MAPK8IP1: variants seen among roughly 807,000 people sequenced by gnomAD.
The protein encoded by MAPK8IP1 is mitogen-activated protein kinase 8 interacting protein 1.
Under a neutral mutation model 72.6 loss-of-function variants are expected in MAPK8IP1, and 17 were observed. The observed-to-expected ratio is 0.23, with a 90% CI of 0.16 to 0.35. The LOEUF is 0.35. Ranked by LOEUF, MAPK8IP1 falls within the 10% of genes least tolerant of loss-of-function variation. MAPK8IP1 has a pLI of 1.00. For missense variants in MAPK8IP1, 789 were observed against 1,009.7 expected, an observed-to-expected ratio of 0.78 and a Z score of 2.96; for synonymous variants, 401 against 443.4, an observed-to-expected ratio of 0.90 and a Z score of 1.20.
Position 45,889,607 on chromosome 11 carries a change from C to T in MAPK8IP1, c.101+3686C>T, listed in dbSNP as rs376603044. On this transcript the variant is annotated intron_variant, in intron 1 of 11. Transcript: ENST00000241014. ...GTTTCATGGACAAGAAGGGAGCGAG[C>T]GGCCTGTCTGGGGTGTGTAGAAGGG... is the stretch of plus-strand genomic sequence containing the variant. Among the ~76,000 whole-genome samples the T allele has an allele frequency of 7.2e-5, 11 of 152,150 alleles. No homozygotes were observed. In the East Asian group the frequency reaches 1.7e-3, roughly 24 times the overall value.
In MAPK8IP1 at chr11:45,906,395, T is replaced by A; in HGVS notation, c.*674T>A. The A allele has an allele frequency of 1.2e-6, 1 of 800,076 alleles. No homozygotes were observed. Among genetic ancestry groups the A allele is most frequent in the East Asian group, 2.9e-5 (1 of 34,104 alleles). 49.6% of individuals were successfully genotyped at this position (800,076 alleles called of 1,614,324 possible). On this transcript the variant is annotated 3_prime_UTR_variant, in exon 12 of 12. Coordinates refer to ENST00000241014, the MANE Select transcript of MAPK8IP1 (RefSeq NM_005456.4). Reference sequence around the variant, plus strand: ...CAGCAGAAGAGGGAGGCTTCCTGACTGACACAGGCCAGCCCCATCTTGGTC... The same window carrying A: ...CAGCAGAAGAGGGAGGCTTCCTGACAGACACAGGCCAGCCCCATCTTGGTC...
rs1250073342 is a variant in MAPK8IP1, at chr11:45,904,802, G to A, written c.1861G>A (p.Gly621Ser). Reference protein sequence around the residue: ...LEISVRGVKIGVKADDSQEAK... With the variant: ...LEISVRGVKISVKADDSQEAK... ...GATCAGCGTGCGGGGTGTGAAGATA[G>A]GCGTCAAGGCCGATGACTCCCAGGA... The change falls in exon 9 of 12, where the codon GGC becomes AGC. Residue 621 changes from glycine (G) to serine (S), a missense_variant. This residue lies in a region of MAPK8IP1 where 188 missense variants were observed against 293.3 expected (regional missense o/e 0.64). Transcript: ENST00000241014. This position sits in a 1 kb window ranked among gnomAD's most constrained non-coding sequence, Gnocchi z 6.4. 6 of 1,613,966 alleles carry A rather than the reference G, an allele frequency of 3.7e-6. No homozygotes were observed. The highest frequency in any genetic ancestry group is 5.1e-6 in the Non-Finnish European group (6 of 1,180,044).
chr11:45,903,558 A>G lies in MAPK8IP1; in HGVS notation c.1493+118A>G, dbSNP rs1345425725. The G allele has an allele frequency of 1.1e-6, 1 of 871,860 alleles. No homozygotes were observed. Among genetic ancestry groups the G allele is most frequent in the Non-Finnish European group, 1.8e-6 (1 of 541,686 alleles). 54.0% of individuals were successfully genotyped at this position (871,860 alleles called of 1,614,324 possible). A position where few individuals can be genotyped will look rare whatever the true frequency, so the allele number is the denominator to read the frequency against. Reference sequence around the variant, plus strand: ...CCCTGCCATCAGCCTTCATTTATCCACTCAGCCCTGGGAGGACAGTGTCCA... The same window carrying G: ...CCCTGCCATCAGCCTTCATTTATCCGCTCAGCCCTGGGAGGACAGTGTCCA... On this transcript the variant is annotated intron_variant, in intron 6 of 11. Coordinates refer to ENST00000241014, the MANE Select transcript of MAPK8IP1 (RefSeq NM_005456.4). The surrounding 1 kb of genome is among the most constrained non-coding windows in gnomAD (Gnocchi z 6.4).
At position 45,885,898 on chromosome 11, in the gene MAPK8IP1, C is replaced by G; in HGVS notation, c.78C>G (p.His26Gln). The G allele has an allele frequency of 6.8e-7, 1 of 1,477,510 alleles. No individual in the cohort carries two copies. The highest frequency in any genetic ancestry group is 3.0e-5 in the East Asian group (1 of 33,766). 91.5% of individuals were successfully genotyped at this position (1,477,510 alleles called of 1,614,324 possible). A position where few individuals can be genotyped will look rare whatever the true frequency, so the allele number is the denominator to read the frequency against. Residue 26 changes from histidine (H) to glutamine (Q), a missense_variant, in exon 1 of 12, where the codon CAC becomes CAG. His to Gln is a conservative substitution (Grantham distance 24). Transcript: ENST00000241014. ...CCGCCTCCCCGTTCCTGGGGCTGCA[C>G]ATCGCTTCGCCTCCCAATTTCAGGT... ...PPAASPFLGLHIASPPNFRLT... is the reference protein window; with the variant it reads ...PPAASPFLGLQIASPPNFRLT...
In MAPK8IP1 at chr11:45,903,291, G is replaced by T; in HGVS notation, c.1418-74G>T. 2 of 1,588,972 alleles carry T rather than the reference G, an allele frequency of 1.3e-6. No homozygotes were observed. On this transcript the variant is annotated intron_variant, in intron 5 of 11. Coordinates refer to ENST00000241014, the MANE Select transcript of MAPK8IP1 (RefSeq NM_005456.4). This position sits in a 1 kb window ranked among gnomAD's most constrained non-coding sequence, Gnocchi z 6.4. ...CCCCAGGCCCCATCTGGTTAGGACT[G>T]AGGCTTCTACCTGCCCCGCTAAACC...
intron 1 of MAPK8IP1, among the ~76,000 whole-genome samples, chr11:45,889,387 G>C (rs886809502): frequency 6.6e-6 from 1 of 152,140 alleles, no homozygotes; most frequent in Non-Finnish European, 1.5e-5. Context: ...TTTATAATGA[G>C]TATAGGTTAC....
In MAPK8IP1 at chr11:45,903,003, CT is replaced by C; in HGVS notation, c.1237del (p.Tyr413MetfsTer49). 6.2e-7 allele frequency: 1 copy of C among 1,611,886 alleles called. No homozygotes were observed. On this transcript the variant is annotated frameshift_variant, in exon 5 of 12. Transcript: ENST00000241014. LOFTEE classifies it high-confidence loss of function. The surrounding 1 kb of genome is among the most constrained non-coding windows in gnomAD (Gnocchi z 6.4). ...YSDESDSATV[Y>X]DNCASVSSPY... Reference sequence around the variant, plus strand: ...GTGACGAGAGTGACTCTGCCACCGTCTATGACAACTGTGCCTCCGTCTCCTC... The same window carrying C: ...GTGACGAGAGTGACTCTGCCACCGTCATGACAACTGTGCCTCCGTCTCCTC...
chr11:45,904,010 C>T lies in MAPK8IP1; in HGVS notation c.1515C>T (p.Asp505=), dbSNP rs144563506. The T allele has an allele frequency of 1.5e-4, 247 of 1,613,650 alleles. No homozygotes were observed. The African/African-American group carries it at 2.7e-3, about 18-fold the overall frequency. The change falls in exon 7 of 12, where the codon GAC becomes GAT. Residue 505 remains aspartate (D), a synonymous_variant. Coordinates refer to ENST00000241014, the MANE Select transcript of MAPK8IP1 (RefSeq NM_005456.4). The surrounding 1 kb of genome is among the most constrained non-coding windows in gnomAD (Gnocchi z 6.4). The part of the protein sequence containing the change: ...AIFRFVPRHE[D]ELELEVDDPL... ...ACAGGTTTGTGCCTCGACACGAAGA[C>T]GAACTTGAGCTGGAAGTGGATGACC...
rs1324055112 is a variant in MAPK8IP1, at chr11:45,900,416, C to G, written c.486C>G (p.Thr162=). 8 of 1,531,352 alleles carry G rather than the reference C, an allele frequency of 5.2e-6. No homozygotes were observed. The highest frequency in any genetic ancestry group is 7.0e-6 in the Non-Finnish European group (8 of 1,145,228). 94.9% of individuals were successfully genotyped at this position (1,531,352 alleles called of 1,614,324 possible). A position where few individuals can be genotyped will look rare whatever the true frequency, so the allele number is the denominator to read the frequency against. The change falls in exon 3 of 12, where the codon ACC becomes ACG. Residue 162 remains threonine (T), a synonymous_variant. Transcript: ENST00000241014. This position sits in a 1 kb window ranked among gnomAD's most constrained non-coding sequence, Gnocchi z 6.5. ...ACACGTACCGGCCCAAGCGGCCCAC[C>G]ACGCTCAACCTCTTTCCGCAGGTGC... ...SGDTYRPKRP[T]TLNLFPQVPR...
chr11:45,889,011 T>C (rs572575368), intron 1 of MAPK8IP1, among the ~76,000 whole-genome samples: 1 of 152,338 alleles, frequency 6.6e-6, no homozygotes, highest in African/African-American at 2.4e-5. Flanking sequence ...CATACTTTTA[T>C]ATTACAGGTT....
In MAPK8IP1 at chr11:45,900,132, G is replaced by C; in HGVS notation, c.208-6G>C. 2 of 1,270,528 alleles carry C rather than the reference G, an allele frequency of 1.6e-6. No individual in the cohort carries two copies. The highest frequency in any genetic ancestry group is 2.7e-5 in the South Asian group (1 of 37,598). The allele number at this position is 1,270,528 out of a possible 1,614,324, so 78.7% of individuals were successfully genotyped here. A position where few individuals can be genotyped will look rare whatever the true frequency, so the allele number is the denominator to read the frequency against. ...GCCCCCTGACGCCCCTCCGTGCGCT[G>C]TGCAGCCCCCGCGCGCCGGGCTGCT... On this transcript the variant is annotated splice_region_variant and splice_polypyrimidine_tract_variant and intron_variant, in intron 2 of 11. Transcript: ENST00000241014. The surrounding 1 kb of genome is among the most constrained non-coding windows in gnomAD (Gnocchi z 6.5).
chr11:45,900,118 C>T lies in MAPK8IP1; in HGVS notation c.208-20C>T, dbSNP rs2086638658. ...CCCGCCCCGGCCCCGCCCCCTGACG[C>T]CCCTCCGTGCGCTGTGCAGCCCCCG... is the stretch of plus-strand genomic sequence containing the variant. On this transcript the variant is annotated intron_variant, in intron 2 of 11. Coordinates refer to ENST00000241014, the MANE Select transcript of MAPK8IP1 (RefSeq NM_005456.4). The surrounding 1 kb of genome is among the most constrained non-coding windows in gnomAD (Gnocchi z 6.5). The T allele has an allele frequency of 5.8e-6, 7 of 1,206,440 alleles. No individual in the cohort carries two copies. Among genetic ancestry groups the T allele is most frequent in the Non-Finnish European group, 7.2e-6 (7 of 972,528 alleles). 74.7% of individuals were successfully genotyped at this position (1,206,440 alleles called of 1,614,324 possible).
At position 45,906,436 on chromosome 11, in the gene MAPK8IP1, C is replaced by G; in HGVS notation, c.*715C>G. On this transcript the variant is annotated 3_prime_UTR_variant, in exon 12 of 12. Coordinates refer to ENST00000241014, the MANE Select transcript of MAPK8IP1 (RefSeq NM_005456.4). ...CATCTTGGTCCTGTCACCCTGGCCC[C>G]AACTATTAAAGTGCCATTTCCTGTC... 8.2e-7 allele frequency: 1 copy of G among 1,217,230 alleles called. No individual in the cohort carries two copies. Among genetic ancestry groups the G allele is most frequent in the Non-Finnish European group, 1.1e-6 (1 of 906,284 alleles). The allele number at this position is 1,217,230 out of a possible 1,614,324, so 75.4% of individuals were successfully genotyped here.
chr11:45,895,633 A>AT (rs1332585667), intron 1 of MAPK8IP1, among the ~76,000 whole-genome samples: 31 of 42,532 alleles, frequency 7.3e-4, no homozygotes, highest in South Asian at 4.7e-3. Flanking sequence ...AAAAAAAAAA[A>AT]ATATATATAT....
At position 45,904,581 on chromosome 11, in the gene MAPK8IP1, C is replaced by A. The variant is rs2086687477; in HGVS notation, c.1776+17C>A. 1 of 1,611,356 alleles carries A rather than the reference C, an allele frequency of 6.2e-7. No individual in the cohort carries two copies. The highest frequency in any genetic ancestry group is 1.1e-5 in the South Asian group (1 of 91,040). On this transcript the variant is annotated intron_variant, in intron 8 of 11. Transcript: ENST00000241014. This position sits in a 1 kb window ranked among gnomAD's most constrained non-coding sequence, Gnocchi z 6.4. ...ATGCAAAAGGTACCTGAGCCCTCTC[C>A]CTTCTCCTCCCTTGGATGGGTCCCT... is the stretch of plus-strand genomic sequence containing the variant.
chr11:45,905,617 T>C (rs779214857), intron 11 of MAPK8IP1, 32 bp from the exon 12 acceptor site: 2 of 1,598,608 alleles, frequency 1.3e-6, no homozygotes, highest in South Asian at 1.1e-5. Context: ...CCAGTGGCGA[T>C]CTGAGCCATC....
In MAPK8IP1 at chr11:45,903,667, C is replaced by T. The variant is rs2086677061; in HGVS notation, c.1493+227C>T. ...ACTGTGCACCTAGTCTGGCCAGGGGCAGGGCACCCAGGAGGGTGACCAGGA... is the reference window on the plus strand; with the variant it reads ...ACTGTGCACCTAGTCTGGCCAGGGGTAGGGCACCCAGGAGGGTGACCAGGA... On this transcript the variant is annotated intron_variant, in intron 6 of 11. Transcript: ENST00000241014. The surrounding 1 kb of genome is among the most constrained non-coding windows in gnomAD (Gnocchi z 6.4). Among the ~76,000 whole-genome samples, 1 of 152,160 alleles carries T rather than the reference C, an allele frequency of 6.6e-6. No homozygotes were observed. The highest frequency in any genetic ancestry group is 6.5e-5 in the Admixed American group (1 of 15,282).
At chr11:45,885,979 C>G in intron 1 of MAPK8IP1, 58 bp downstream of exon 1, 1 of 1,117,918 alleles carries the variant, frequency 8.9e-7, no homozygotes, top group East Asian at 3.2e-5. Flanking sequence ...TCCGCATTGG[C>G]TGCCCTGCCC....
intron 10 of MAPK8IP1, 30 bp downstream of exon 10, chr11:45,905,071 G>A: frequency 6.2e-7 from 1 of 1,613,654 alleles, no homozygotes; most frequent in Non-Finnish European, 8.5e-7. Context: ...CAGTGGAGGA[G>A]GCACGGGTGG....
Sources: gnomAD v4.1 joint callset for allele counts (sites outside exome capture counted in the v4.1 genomes callset) on GRCh38, gnomAD v4.1.1 for gene constraint, gnomAD v4.1.1 regional missense constraint, Gnocchi (gnomAD v3.1) non-coding constraint, MANE v1.5 for transcripts, NCBI Gene and HGNC (gene_info 2026-07-23, HGNC 2026-07-21) for gene names.